Variants in PLIN1 observed in about 807,000 individuals in gnomAD.
PLIN1 encodes perilipin 1.
In PLIN1, 37 loss-of-function variants were observed where a neutral mutation model predicts 45.8. The observed-to-expected ratio is 0.81, with a 90% CI of 0.62 to 1.06. The LOEUF (loss-of-function observed/expected upper bound fraction) is 1.06, where lower values mean the gene tolerates loss of function less well. Among genes scored for constraint, PLIN1 ranks in the 50% least tolerant of loss-of-function variants. The pLI, the probability that PLIN1 is intolerant of heterozygous loss-of-function variation, is 0.00. For missense variants in PLIN1, 776 were observed against 716.5 expected (o/e 1.08, Z -0.95); for synonymous variants, 340 against 309.2 (o/e 1.10, Z -1.05).
intron 2 of PLIN1, chr15:89,677,031 C>T (rs1028422989): frequency 2.0e-5 from 5 of 255,880 alleles, no homozygotes; most frequent in Admixed American, 9.3e-5. Flanking sequence ...GGCTGTGCAC[C>T]GTCTAACTCC....
chr15:89,676,437 T>C (rs8179056), intron 2 of PLIN1, among the ~76,000 whole-genome samples: 88,804 of 151,984 alleles, frequency 0.58, 28,791 homozygotes, highest in South Asian at 0.75. Context: ...TTAGTAGAGA[T>C]GGGGTTTCAC....
chr15:89,666,805 C>G, intron 8 of PLIN1, 131 bp downstream of exon 8: 1 of 1,004,074 alleles, frequency 1.0e-6, no homozygotes, highest in Middle Eastern at 2.8e-4. Context: ...GCACTGAGGA[C>G]TGGAGTGGGG....
At position 89,673,329 on chromosome 15, in the gene PLIN1, G is replaced by A. The variant is rs1964468214; in HGVS notation, c.131C>T (p.Thr44Ile). 2.5e-6 allele frequency: 4 copies of A among 1,597,660 alleles called. No homozygotes were observed. The East Asian group carries it at 9.0e-5, about 36-fold the overall frequency. Reference protein sequence around the residue: ...CECFQKTYTSTKEAHPLVASV... With the variant: ...CECFQKTYTSIKEAHPLVASV... ...GGCCACCAGGGGGTGGGCTTCCTTA[G>A]TGCTGGTGTAGGTCTTCTGGAAGCA... is the stretch of plus-strand genomic sequence containing the variant. Residue 44 changes from threonine (T) to isoleucine (I), a missense_variant, in exon 3 of 9, where the codon ACT (threonine) becomes ATT (isoleucine). Physicochemically the swap from Thr to Ile is moderately conservative, Grantham distance 89 (BLOSUM62 -1). Coordinates refer to ENST00000300055, the MANE Select transcript of PLIN1 (RefSeq NM_002666.5).
At chr15:89,672,286 G>A (rs960001975) in intron 3 of PLIN1, among the ~76,000 whole-genome samples, 5 of 152,240 alleles carry the variant, frequency 3.3e-5, no homozygotes, top group African/African-American at 7.2e-5. Flanking sequence ...CCGGGACATC[G>A]GCTCTGCAGC....
Position 89,665,946 on chromosome 15 carries a change from A to G in PLIN1, c.1210-4T>C. The G allele has an allele frequency of 6.7e-7, 1 of 1,494,198 alleles. No homozygotes were observed. Among genetic ancestry groups the G allele is most frequent in the Non-Finnish European group, 8.9e-7 (1 of 1,125,024 alleles). 92.6% of individuals were successfully genotyped at this position (1,494,198 alleles called of 1,614,324 possible). The stretch of plus-strand genomic sequence containing the variant: ...CCATCAGCGACAGCCTGGGGAGCTG[A>G]GGGCCCGGCAGCCGCCTTAGAGTCC... On this transcript the variant is annotated splice_region_variant and splice_polypyrimidine_tract_variant and intron_variant, in intron 8 of 8. Coordinates refer to ENST00000300055, the MANE Select transcript of PLIN1 (RefSeq NM_002666.5).
At position 89,673,376 on chromosome 15, in the gene PLIN1, C is replaced by A; in HGVS notation, c.84G>T (p.Pro28=). 6.2e-7 allele frequency: 1 copy of A among 1,604,700 alleles called. No homozygotes were observed. The highest frequency in any genetic ancestry group is 8.5e-7 in the Non-Finnish European group (1 of 1,175,552). ...AGCATTCGCAGGTGCCACTCACCAC[C>A]GGCAGCTGCAGGACCCGCTGCAGCA... ...ENVLQRVLQL[P]VVSGTCECFQ... is the part of the protein sequence containing the mutation. Residue 28 remains proline, a synonymous_variant, in exon 3 of 9, where the codon CCG becomes CCT. Coordinates refer to ENST00000300055, the MANE Select transcript of PLIN1 (RefSeq NM_002666.5).
At chr15:89,673,477 C>T (rs1031944770) in intron 2 of PLIN1, 63 bp from the exon 3 acceptor site, 2 of 1,375,494 alleles carry the variant, frequency 1.5e-6, no homozygotes, top group Non-Finnish European at 2.0e-6. Context: ...GGGAAGCTGA[C>T]CCCGGGGTCA....
Position 89,671,505 on chromosome 15 carries a change from C to T in PLIN1, c.310G>A (p.Ala104Thr), listed in dbSNP as rs756661343. 2.5e-5 allele frequency: 39 copies of T among 1,574,142 alleles called. No homozygotes were observed. The highest frequency in any genetic ancestry group is 2.4e-4 in the African/African-American group (18 of 74,264). The part of the protein sequence containing the change: ...GLDHLEEKIP[A>T]LQYPPEKIAS... ...ACCTTTTCAGGGGGGTACTGGAGGG[C>T]GGGGATCTTTTCCTCCAGGTGGTCC... Residue 104 changes from alanine (A) to threonine (T), a missense_variant, in exon 4 of 9, where the codon GCC becomes ACC. Ala to Thr is a moderately conservative substitution (Grantham distance 58). Coordinates refer to ENST00000300055, the MANE Select transcript of PLIN1 (RefSeq NM_002666.5).
chr15:89,665,483 G>T lies in PLIN1; in HGVS notation c.*100C>A. The T allele has an allele frequency of 8.6e-7, 1 of 1,157,084 alleles. No homozygotes were observed. Among genetic ancestry groups the T allele is most frequent in the Non-Finnish European group, 1.2e-6 (1 of 829,772 alleles). The allele number at this position is 1,157,084 out of a possible 1,614,324, so 71.7% of individuals were successfully genotyped here. A position where few individuals can be genotyped will look rare whatever the true frequency, so the allele number is the denominator to read the frequency against. On this transcript the variant is annotated 3_prime_UTR_variant, in exon 9 of 9. Transcript: ENST00000300055. ...TCAGGATGAGGCTGAGCTCCCCAGGGGACCACTTTGAAAGTGGCAACGCTC... is the reference window on the plus strand; with the variant it reads ...TCAGGATGAGGCTGAGCTCCCCAGGTGACCACTTTGAAAGTGGCAACGCTC...
At chr15:89,667,939 T>C (rs200591844) in intron 6 of PLIN1, 146 bp from the exon 7 acceptor site, 4 of 1,090,414 alleles carry the variant, frequency 3.7e-6, no homozygotes, top group African/African-American at 3.5e-5. Context: ...AAACTTTTTA[T>C]TGAGTTGGTA....
chr15:89,677,874 C>G lies in PLIN1; in HGVS notation c.-14-371G>C, dbSNP rs185985280. ...CAAGGGATTCTCCTGCCTCAGCCTC[C>G]CAAGTAGCTGGGATTACAGGCGCCC... On this transcript the variant is annotated intron_variant, in intron 1 of 8. Transcript: ENST00000300055. The G allele has an allele frequency of 7.7e-3, 1,469 of 190,182 alleles. 31 individuals are homozygous for G. Among genetic ancestry groups the G allele is most frequent in the African/African-American group, 0.033 (1,409 of 42,400 alleles). 11.8% of individuals were successfully genotyped at this position (190,182 alleles called of 1,614,324 possible).
At position 89,674,760 on chromosome 15, in the gene PLIN1, C is replaced by G. The variant is rs981531121; in HGVS notation, c.46-1346G>C. ...TGTCTCCCTTTAGAAGTGCCGCCATCATGTTAAATGGCTCCAGTTCCTAAC... is the reference window on the plus strand; with the variant it reads ...TGTCTCCCTTTAGAAGTGCCGCCATGATGTTAAATGGCTCCAGTTCCTAAC... On this transcript the variant is annotated intron_variant, in intron 2 of 8. Transcript: ENST00000300055. Among the ~76,000 whole-genome samples the G allele has an allele frequency of 6.6e-5, 10 of 152,132 alleles. 1 individual carries two copies. The highest frequency in any genetic ancestry group is 2.2e-4 in the African/African-American group (9 of 41,416).
chr15:89,672,035 G>T (rs977745688), intron 3 of PLIN1, among the ~76,000 whole-genome samples: 15 of 152,320 alleles, frequency 9.8e-5, no homozygotes, highest in African/African-American at 3.6e-4. Flanking sequence ...GGAGAAGAGA[G>T]GTGTGAGAGG....
chr15:89,674,106 T>C (rs950245261), intron 2 of PLIN1, among the ~76,000 whole-genome samples: 1 of 152,200 alleles, frequency 6.6e-6, no homozygotes, highest in Non-Finnish European at 1.5e-5. Context: ...ACAGTAATAT[T>C]AGCTGAATAC....
At chr15:89,671,018 C>G (rs1029287714) in intron 4 of PLIN1, among the ~76,000 whole-genome samples, 11 of 152,158 alleles carry the variant, frequency 7.2e-5, no homozygotes, top group Non-Finnish European at 1.5e-4. Context: ...GAGTCCTTAT[C>G]ATAGCAACTA....
chr15:89,667,257 G>C, intron 7 of PLIN1, 76 bp from the exon 8 acceptor site: 3 of 1,586,882 alleles, frequency 1.9e-6, no homozygotes, highest in Non-Finnish European at 1.7e-6. Flanking sequence ...CCCAGGGCTA[G>C]AGGGGAAAGC....
At position 89,666,959 on chromosome 15, in the gene PLIN1, C is replaced by G; in HGVS notation, c.1186G>C (p.Asp396His). 6.2e-7 allele frequency: 1 copy of G among 1,614,050 alleles called. No homozygotes were observed. The highest frequency in any genetic ancestry group is 8.5e-7 in the Non-Finnish European group (1 of 1,179,948). ...ALKGVTDNVVDTVVHYVPLPR... is the reference protein window; with the variant it reads ...ALKGVTDNVVHTVVHYVPLPR... The stretch of plus-strand genomic sequence containing the variant: ...ACCGGCACGTAATGCACCACTGTGT[C>G]CACCACGTTGTCAGTAACGCCCTTC... The change falls in exon 8 of 9, where the codon GAC becomes CAC. Residue 396 changes from aspartate to histidine, a missense_variant. Coordinates refer to ENST00000300055, the MANE Select transcript of PLIN1 (RefSeq NM_002666.5).
intron 8 of PLIN1, 23 bp from the exon 9 acceptor site, chr15:89,665,965 A>G (rs1383891609): frequency 1.4e-6 from 2 of 1,471,590 alleles, no homozygotes; most frequent in Non-Finnish European, 1.8e-6. Flanking sequence ...CAGCCGCCTT[A>G]GAGTCCTGGC....
intron 7 of PLIN1, among the ~76,000 whole-genome samples, 157 bp downstream of exon 7, chr15:89,667,445 C>G (rs888276893): frequency 6.6e-6 from 1 of 152,252 alleles, no homozygotes; most frequent in African/African-American, 2.4e-5. Flanking sequence ...ACATGGAAGT[C>G]CCTCGCCAGC....
Sources: allele counts gnomAD v4.1 joint callset (sites outside exome capture counted in the v4.1 genomes callset), GRCh38; gene constraint gnomAD v4.1.1; transcripts MANE v1.5; gene names NCBI Gene and HGNC (gene_info 2026-07-23, HGNC 2026-07-21).